FRAS1: variants seen among roughly 807,000 people sequenced by gnomAD.
FRAS1 encodes Fraser extracellular matrix complex subunit 1.
In FRAS1, 290 loss-of-function variants were observed where a neutral mutation model predicts 435.2. That is an observed-to-expected ratio of 0.67 (90% CI 0.61 to 0.73). The LOEUF is 0.73. FRAS1 is among the 30% of genes least tolerant of loss of function. The probability of loss-of-function intolerance (pLI) is 0.00; values close to 1 mark genes in which losing one functional copy is unlikely to be tolerated. For synonymous variants in FRAS1, 1,800 were observed against 1,851.0 expected (o/e 0.97, Z 0.71); for missense variants, 4,860 against 5,001.5 (o/e 0.97, Z 0.85).
chr4:78,460,981 T>G (rs1458712972), intron 47 of FRAS1, among the ~76,000 whole-genome samples: 2 of 152,198 alleles, frequency 1.3e-5, no homozygotes, highest in Non-Finnish European at 2.9e-5. Context: ...CAGGGATTAT[T>G]CTAGGTGCAC....
chr4:78,218,918 C>T (rs927394959), intron 2 of FRAS1, among the ~76,000 whole-genome samples: 1 of 152,140 alleles, frequency 6.6e-6, no homozygotes, highest in Non-Finnish European at 1.5e-5. Flanking sequence ...ATTCTTTATC[C>T]TTTCAATTCA....
At chr4:78,493,350 C>G (rs1198174525) in intron 59 of FRAS1, among the ~76,000 whole-genome samples, 5 of 152,146 alleles carry the variant, frequency 3.3e-5, no homozygotes, top group African/African-American at 1.2e-4. Context: ...AAGACACATG[C>G]ACATGTATAT....
chr4:78,078,596 T>G (rs1387049747), intron 2 of FRAS1, among the ~76,000 whole-genome samples: 2 of 152,146 alleles, frequency 1.3e-5, no homozygotes, highest in African/African-American at 2.4e-5. Context: ...TTTCAAAGAT[T>G]TAGTGTTACA....
At chr4:78,413,520 G>T (rs1304186542) in intron 32 of FRAS1, among the ~76,000 whole-genome samples, 1 of 152,214 alleles carries the variant, frequency 6.6e-6, no homozygotes, top group African/African-American at 2.4e-5. Context: ...AGAAGGTTCT[G>T]TCAATGCTGA....
At chr4:78,515,319 C>T (rs1721172387) in intron 65 of FRAS1, among the ~76,000 whole-genome samples, 1 of 119,246 alleles carries the variant, frequency 8.4e-6, no homozygotes, top group Non-Finnish European at 1.8e-5. Context: ...TGTAGGTATG[C>T]TGGCTTTTTT....
intron 72 of FRAS1, 104 bp downstream of exon 72, chr4:78,537,304 C>G: frequency 9.4e-7 from 1 of 1,059,192 alleles, no homozygotes; most frequent in South Asian, 1.5e-5. Context: ...TTGATATTTT[C>G]TTCTCTATAT....
At chr4:78,304,942 A>C (rs1409478093) in intron 14 of FRAS1, among the ~76,000 whole-genome samples, 2 of 151,812 alleles carry the variant, frequency 1.3e-5, no homozygotes, top group South Asian at 2.1e-4. Context: ...TAGTTCTTTT[A>C]ATTGTGATGT....
chr4:78,335,139 C>T (rs745804786), intron 19 of FRAS1, among the ~76,000 whole-genome samples: 9 of 152,138 alleles, frequency 5.9e-5, no homozygotes, highest in Non-Finnish European at 1.2e-4. Flanking sequence ...CTTTCTCCCT[C>T]TTAATGAGGT....
chr4:78,452,194 C>T lies in FRAS1; in HGVS notation c.6603C>T (p.Val2201=), dbSNP rs375058898. ...ISILEDKSPP[V]ITTNKGLVLD... is the part of the protein sequence containing the mutation. ...TTTCAGAAGACAAATCCCCACCAGT[C>T]ATCACCACCAATAAAGGACTGGTCT... Residue 2201 remains valine, a synonymous_variant, in exon 47 of 74, where the codon GTC becomes GTT. Coordinates refer to ENST00000512123, the MANE Select transcript of FRAS1 (RefSeq NM_025074.7). 1.7e-5 allele frequency: 27 copies of T among 1,613,552 alleles called. No homozygotes were observed. The African/African-American group carries it at 2.7e-4, about 16-fold the overall frequency.
chr4:78,386,290 A>C (rs1185605622), intron 28 of FRAS1, among the ~76,000 whole-genome samples: 1 of 152,058 alleles, frequency 6.6e-6, no homozygotes, highest in African/African-American at 2.4e-5. Context: ...GCCTCTCTGA[A>C]ATTTTCTCAT....
intron 61 of FRAS1, among the ~76,000 whole-genome samples, chr4:78,502,319 A>G (rs577756799): frequency 2.6e-5 from 4 of 152,162 alleles, no homozygotes; most frequent in Non-Finnish European, 2.9e-5. Context: ...CAGTATGGCC[A>G]TTTTCACGAT....
intron 29 of FRAS1, among the ~76,000 whole-genome samples, chr4:78,395,863 A>G (rs1266017211): frequency 1.3e-5 from 2 of 151,990 alleles, no homozygotes; most frequent in Non-Finnish European, 2.9e-5. Context: ...TTAATTGTTG[A>G]TAGGTAAGAA....
intron 29 of FRAS1, among the ~76,000 whole-genome samples, chr4:78,398,497 AG>A (rs1732759782): frequency 6.6e-6 from 1 of 152,236 alleles, no homozygotes; most frequent in Non-Finnish European, 1.5e-5. Context: ...TGTGTTGATA[AG>A]TACAGCCAAG....
At chr4:78,247,557 C>G (rs1178273579) in intron 4 of FRAS1, among the ~76,000 whole-genome samples, 1 of 152,072 alleles carries the variant, frequency 6.6e-6, no homozygotes, top group African/African-American at 2.4e-5. Context: ...CCTCTAGGTT[C>G]TTACCAAACA....
chr4:78,318,854 C>T lies in FRAS1; in HGVS notation c.2005C>T (p.His669Tyr), dbSNP rs1268383102. 6.2e-7 allele frequency: 1 copy of T among 1,613,546 alleles called. No individual in the cohort carries two copies. The highest frequency in any genetic ancestry group is 1.7e-5 in the Admixed American group (1 of 59,980). Reference sequence around the variant, plus strand: ...GGCTTGTATGGGTCCCGCACCCTCTCACTGTACTGGGTGTAAGAAGCCAGA... The same window carrying T: ...GGCTTGTATGGGTCCCGCACCCTCTTACTGTACTGGGTGTAAGAAGCCAGA... ...CLACMGPAPS[H>Y]CTGCKKPEEG... Residue 669 changes from histidine to tyrosine, a missense_variant, in exon 18 of 74, where the codon CAC becomes TAC. Physicochemically the swap from His to Tyr is moderately conservative, Grantham distance 83. Coordinates refer to ENST00000512123, the MANE Select transcript of FRAS1 (RefSeq NM_025074.7).
At chr4:78,445,496 A>G (rs2109830851) in intron 41 of FRAS1, 26 bp from the exon 42 acceptor site, 1 of 1,509,780 alleles carries the variant, frequency 6.6e-7, no homozygotes, top group Admixed American at 2.1e-5. Flanking sequence ...GATCAAGGTA[A>G]AAATGCTCTC....
chr4:78,058,046 G>C lies in FRAS1; in HGVS notation c.37G>C (p.Ala13Pro). The change falls in exon 1 of 74, where the codon GCG (alanine) becomes CCG (proline). Residue 13 changes from alanine (A) to proline (P), a missense_variant. Coordinates refer to ENST00000512123, the MANE Select transcript of FRAS1 (RefSeq NM_025074.7). ...VLKVWLGLAL[A>P]LAEFAVLPHH... is the part of the protein sequence containing the mutation. The stretch of plus-strand genomic sequence containing the variant: ...CAAAGTGTGGCTCGGGCTGGCCCTA[G>C]CGTTGGCGGAATTTGCAGTATTGCC... 6.2e-7 allele frequency: 1 copy of C among 1,613,970 alleles called. No homozygotes were observed. Among genetic ancestry groups the C allele is most frequent in the Non-Finnish European group, 8.5e-7 (1 of 1,179,892 alleles).
intron 18 of FRAS1, among the ~76,000 whole-genome samples, chr4:78,327,876 T>G (rs948293144): frequency 2.6e-4 from 39 of 152,178 alleles, no homozygotes; most frequent in Non-Finnish European, 4.9e-4. Context: ...CATGACTTTT[T>G]TTTAAAGGAT....
chr4:78,087,758 G>C (rs957519119), intron 2 of FRAS1, among the ~76,000 whole-genome samples: 2 of 152,114 alleles, frequency 1.3e-5, no homozygotes, highest in African/African-American at 4.8e-5. Flanking sequence ...ACAAACCACT[G>C]CTCAATGAAA....
Sources: gnomAD v4.1 joint callset for allele counts (sites outside exome capture counted in the v4.1 genomes callset) on GRCh38, gnomAD v4.1.1 for gene constraint, MANE v1.5 for transcripts, NCBI Gene and HGNC (gene_info 2026-07-23, HGNC 2026-07-21) for gene names.